The following SYNE1 variants were observed in gnomAD, a reference collection of about 807,000 sequenced individuals.
The protein encoded by SYNE1 is nesprin-1.
A neutral mutation model predicts 1,111.0 loss-of-function variants in SYNE1; 616 were observed. That is an observed-to-expected ratio of 0.55 (90% CI 0.52 to 0.59). The LOEUF (loss-of-function observed/expected upper bound fraction) is 0.59, where lower values mean the gene tolerates loss of function less well. Among genes scored for constraint, SYNE1 ranks in the 20% least tolerant of loss-of-function variants. The pLI, the probability that SYNE1 is intolerant of heterozygous loss-of-function variation, is 0.00. For missense variants in SYNE1, 10,006 were observed against 10,417.0 expected (o/e 0.96, Z 1.72); for synonymous variants, 3,855 against 3,825.8 (o/e 1.01, Z -0.28).
intron 63 of SYNE1, among the ~76,000 whole-genome samples, chr6:152,364,526 T>C (rs2097017152): frequency 6.6e-6 from 1 of 151,978 alleles, no homozygotes; most frequent in Admixed American, 6.6e-5. Context: ...ATTACCACAT[T>C]GGCACAGTAT....
intron 3 of SYNE1, among the ~76,000 whole-genome samples, chr6:152,608,159 TA>T (rs149981685): frequency 1.8e-5 from 1 of 56,224 alleles, no homozygotes; most frequent in Non-Finnish European, 4.0e-5. Flanking sequence ...TTAAAATAAA[TA>T]AATAAAAATA....
intron 41 of SYNE1, among the ~76,000 whole-genome samples, chr6:152,415,249 A>G (rs1207803767): frequency 6.6e-6 from 1 of 152,242 alleles, no homozygotes; most frequent in Non-Finnish European, 1.5e-5. Flanking sequence ...AAGGGAACTT[A>G]TCTTTGACCC....
intron 3 of SYNE1, among the ~76,000 whole-genome samples, chr6:152,576,279 C>A (rs7749912): frequency 6.6e-6 from 1 of 152,014 alleles, no homozygotes; most frequent in Admixed American, 6.6e-5. Context: ...TAAGGAATTA[C>A]TAGGCATTTA....
chr6:152,261,962 A>G (rs2092057197), intron 101 of SYNE1, 70 bp downstream of exon 101: 2 of 1,282,294 alleles, frequency 1.6e-6, no homozygotes, highest in Middle Eastern at 4.2e-4. Context: ...TTGATTGCAC[A>G]GTTATAATCC....
rs201870361 is a variant in SYNE1 at position 152,542,995 on chromosome 6, CATA to C, written c.68-2977_68-2975del. ...GTTTAAAAATGTTAATATAAATTGG[CATA>C]ATATGTTAATGTTATACTGTCATAA... On this transcript the variant is annotated intron_variant, in intron 3 of 145. Transcript: ENST00000367255. 5.6e-3 allele frequency among the ~76,000 whole-genome samples: 857 copies of C among 151,974 alleles called. 11 individuals carry two copies. The highest frequency in any genetic ancestry group is 0.02 in the African/African-American group (818 of 41,480).
chr6:152,262,725 G>T (rs939749306), intron 100 of SYNE1, among the ~76,000 whole-genome samples: 27 of 152,170 alleles, frequency 1.8e-4, no homozygotes, highest in Middle Eastern at 6.8e-3. Context: ...GGTAGTACAG[G>T]ACACGGGAAT....
chr6:152,354,655 G>T lies in SYNE1; in HGVS notation c.10926+4C>A. The stretch of plus-strand genomic sequence containing the variant: ...CAAAGATCAGGAATCTACATGAGTT[G>T]TACCTTCATCTGATGTAATTGTATC... On this transcript the variant is annotated splice_donor_region_variant and intron_variant, in intron 67 of 145. Coordinates refer to ENST00000367255, the MANE Select transcript of SYNE1 (RefSeq NM_182961.4). 6.2e-7 allele frequency: 1 copy of T among 1,614,082 alleles called. No individual in the cohort carries two copies. Among genetic ancestry groups the T allele is most frequent in the African/African-American group, 1.3e-5 (1 of 75,064 alleles).
At chr6:152,269,735 C>T (rs1017859384) in intron 98 of SYNE1, among the ~76,000 whole-genome samples, 25 of 152,086 alleles carry the variant, frequency 1.6e-4, no homozygotes, top group African/African-American at 6.0e-4. Flanking sequence ...AATCCAGGTC[C>T]AGACAATGAA....
intron 80 of SYNE1, among the ~76,000 whole-genome samples, chr6:152,325,668 C>T (rs972175306): frequency 1.3e-4 from 20 of 152,102 alleles, no homozygotes; most frequent in Middle Eastern, 3.2e-3. Context: ...CAGTTATTAA[C>T]GTTTTAGTTT....
At chr6:152,395,771 A>G in intron 50 of SYNE1, 100 bp from the exon 51 acceptor site, 1 of 1,271,946 alleles carries the variant, frequency 7.9e-7, no homozygotes, top group East Asian at 2.3e-5. Flanking sequence ...GGCAATTAAG[A>G]CCTCATGAAT....
In SYNE1 at chr6:152,465,439, A is replaced by G; in HGVS notation, c.1751T>C (p.Met584Thr). 6.2e-7 allele frequency: 1 copy of G among 1,613,426 alleles called. No individual in the cohort carries two copies. Among genetic ancestry groups the G allele is most frequent in the Non-Finnish European group, 8.5e-7 (1 of 1,179,694 alleles). ...DGSVEEAENV[M>T]KFMNETTAQW... ...AGCGGTGGTTTCATTCATGAATTTC[A>G]TCACATTCTCAGCTTCTTCCACTGA... Residue 584 changes from methionine to threonine, a missense_variant, in exon 18 of 146, where the codon ATG becomes ACG. Met to Thr is a moderately conservative substitution (Grantham distance 81). Around this residue, in one of 7 missense-constraint regions of SYNE1, gnomAD observed 1,971 missense variants for 2,084.1 expected, o/e 0.95. Coordinates refer to ENST00000367255, the MANE Select transcript of SYNE1 (RefSeq NM_182961.4).
chr6:152,498,336 G>C (rs565356032), intron 11 of SYNE1, among the ~76,000 whole-genome samples: 2 of 152,298 alleles, frequency 1.3e-5, no homozygotes, highest in Non-Finnish European at 2.9e-5. Context: ...CAAGCTGATC[G>C]AATACTTACC....
chr6:152,326,728 C>A lies in SYNE1; in HGVS notation c.14956-95G>T, dbSNP rs929617842. 2.4e-5 allele frequency: 29 copies of A among 1,199,386 alleles called. No individual in the cohort carries two copies. The African/African-American group carries it at 4.1e-4, about 17-fold the overall frequency. 74.3% of individuals were successfully genotyped at this position (1,199,386 alleles called of 1,614,324 possible). A position where few individuals can be genotyped will look rare whatever the true frequency, so the allele number is the denominator to read the frequency against. ...ACTCATTTGTTTTCCAGTCCTTAGT[C>A]TCATGGGCGTATGTGTGTAAGTGCA... is the stretch of plus-strand genomic sequence containing the variant. On this transcript the variant is annotated intron_variant, in intron 78 of 145. Transcript: ENST00000367255.
chr6:152,201,511 T>C (rs1235175154), intron 127 of SYNE1, among the ~76,000 whole-genome samples: 6 of 151,936 alleles, frequency 3.9e-5, no homozygotes, highest in Non-Finnish European at 8.8e-5. Flanking sequence ...TCGATTCTTC[T>C]GGTAGAATGA....
chr6:152,129,863 T>C (rs1297593322), intron 145 of SYNE1, among the ~76,000 whole-genome samples: 2 of 152,184 alleles, frequency 1.3e-5, no homozygotes, highest in Admixed American at 6.5e-5. Context: ...AGTGAATTGC[T>C]AGGGACTGGA....
At chr6:152,470,569 A>G (rs755638794) in intron 16 of SYNE1, among the ~76,000 whole-genome samples, 6 of 152,202 alleles carry the variant, frequency 3.9e-5, no homozygotes, top group Non-Finnish European at 7.4e-5. Context: ...ACTGTAAAGC[A>G]GTTAAATCAT....
intron 91 of SYNE1, among the ~76,000 whole-genome samples, chr6:152,306,051 G>A (rs1346863954): frequency 6.6e-6 from 1 of 152,186 alleles, no homozygotes; most frequent in African/African-American, 2.4e-5. Flanking sequence ...TTCTGTTACA[G>A]TGGAAGAAAA....
chr6:152,461,600 G>T lies in SYNE1; in HGVS notation c.2391C>A (p.Thr797=), dbSNP rs201500601. 3.1e-6 allele frequency: 5 copies of T among 1,613,912 alleles called. No homozygotes were observed. The Admixed American group carries it at 5.0e-5, about 16-fold the overall frequency. Residue 797 remains threonine (T), a synonymous_variant, in exon 21 of 146, where the codon ACC becomes ACA. Coordinates refer to ENST00000367255, the MANE Select transcript of SYNE1 (RefSeq NM_182961.4). The part of the protein sequence containing the change: ...ATMSKLKEQL[T]KVKECYSPLL... ...GTGCATTAAATTATTTTCGCACCTT[G>T]GTTAGCTGCTCTTTGAGCTTTGACA... is the stretch of plus-strand genomic sequence containing the variant.
intron 38 of SYNE1, 125 bp from the exon 39 acceptor site, chr6:152,425,672 T>C: frequency 9.1e-7 from 1 of 1,103,476 alleles, no homozygotes; most frequent in Non-Finnish European, 1.3e-6. Context: ...CGGGACAGGC[T>C]GAAGAGAGTT....
Sources: allele counts gnomAD v4.1 joint callset (sites outside exome capture counted in the v4.1 genomes callset), GRCh38; gene constraint gnomAD v4.1.1; regional missense constraint gnomAD v4.1.1; transcripts MANE v1.5; gene names NCBI Gene and HGNC (gene_info 2026-07-23, HGNC 2026-07-21).